Variants in CDH26 observed in about 807,000 individuals in gnomAD.
The protein encoded by CDH26 is cadherin-like protein 26.
Under a neutral mutation model 90.3 loss-of-function variants are expected in CDH26, and 83 were observed. The observed-to-expected ratio is 0.92, with a 90% CI of 0.77 to 1.10. The LOEUF (loss-of-function observed/expected upper bound fraction) is 1.10. Ranked by LOEUF, CDH26 falls within the 50% of genes least tolerant of loss-of-function variation. The pLI, the probability that CDH26 is intolerant of heterozygous loss-of-function variation, is 0.00. For synonymous variants in CDH26, 397 were observed against 396.3 expected, an observed-to-expected ratio of 1.00 and a Z score of -0.02; for missense variants, 1,013 against 1,037.6, an observed-to-expected ratio of 0.98 and a Z score of 0.33.
chr20:60,009,876 G>A (rs761290463), intron 17 of CDH26, among the ~76,000 whole-genome samples: 2 of 152,108 alleles, frequency 1.3e-5, no homozygotes, highest in Non-Finnish European at 2.9e-5. Flanking sequence ...CTGCAAGGAC[G>A]TGAACCGACT....
Position 59,996,758 on chromosome 20 carries a change from C to T in CDH26, c.2016C>T (p.Ala672=), listed in dbSNP as rs2061603304. Reference sequence around the variant, plus strand: ...ATGCGGAGAGCAAAGGCACTTCAGCCCAGGTAGTGGAATGTCATGCTTTGT... The same window carrying T: ...ATGCGGAGAGCAAAGGCACTTCAGCTCAGGTAGTGGAATGTCATGCTTTGT... The part of the protein sequence containing the change: ...MYNAESKGTS[A]QTWSDVEGQR... Residue 672 remains alanine, a synonymous_variant, in exon 13 of 18, where the codon GCC becomes GCT. Transcript: ENST00000348616. 1 of 1,614,158 alleles carries T rather than the reference C, an allele frequency of 6.2e-7. No homozygotes were observed. Among genetic ancestry groups the T allele is most frequent in the Admixed American group, 1.7e-5 (1 of 60,034 alleles).
At position 59,984,761 on chromosome 20, in the gene CDH26, C is replaced by G. The variant is rs761466507; in HGVS notation, c.664C>G (p.Arg222Gly). The change falls in exon 6 of 18, where the codon CGC becomes GGC. Residue 222 changes from arginine to glycine, a missense_variant. Arg to Gly is a moderately radical substitution (Grantham distance 125). Transcript: ENST00000348616. ...GAAAGAAAGTGGTTTCCGGGTTGATCGCCTTAGTGGAGAAATACGACTCTC... is the reference window on the plus strand; with the variant it reads ...GAAAGAAAGTGGTTTCCGGGTTGATGGCCTTAGTGGAGAAATACGACTCTC... ...LLKESGFRVDRLSGEIRLSGC... is the reference protein window; with the variant it reads ...LLKESGFRVDGLSGEIRLSGC... 3 of 1,613,584 alleles carry G rather than the reference C, an allele frequency of 1.9e-6. No individual in the cohort carries two copies. The highest frequency in any genetic ancestry group is 4.5e-5 in the East Asian group (2 of 44,880).
intron 8 of CDH26, among the ~76,000 whole-genome samples, chr20:60,032,764 C>T (rs987637000): frequency 3.4e-5 from 5 of 148,024 alleles, no homozygotes; most frequent in South Asian, 2.1e-4. Context: ...AACCAAACAC[C>T]GCATGTTCTC....
intron 4 of CDH26, among the ~76,000 whole-genome samples, chr20:59,980,357 C>A (rs563834303): frequency 2.0e-4 from 30 of 151,834 alleles, no homozygotes; most frequent in South Asian, 1.9e-3. Context: ...TGCAATGGCG[C>A]AATCTCAGTT....
At chr20:60,027,934 C>CAT (rs2062011475) in intron 7 of CDH26, among the ~76,000 whole-genome samples, 2 of 152,248 alleles carry the variant, frequency 1.3e-5, no homozygotes, top group Non-Finnish European at 2.9e-5. Context: ...AAAGAGGTCT[C>CAT]ATACCCTTCA....
At chr20:59,984,502 C>A (rs2061428922) in intron 5 of CDH26, 137 bp from the exon 6 acceptor site, 1 of 625,646 alleles carries the variant, frequency 1.6e-6, no homozygotes, top group Non-Finnish European at 2.7e-6. Context: ...TCTAGTATGT[C>A]CATAGTTTAT....
chr20:59,981,990 C>T (rs540926439), intron 4 of CDH26, among the ~76,000 whole-genome samples: 39 of 152,058 alleles, frequency 2.6e-4, no homozygotes, highest in African/African-American at 7.7e-4. Context: ...AGAAAGTTTT[C>T]GTAGTTTTTC....
intron 9 of CDH26, among the ~76,000 whole-genome samples, chr20:59,991,009 A>G (rs577713309): frequency 4.7e-4 from 72 of 152,200 alleles, no homozygotes; most frequent in African/African-American, 1.7e-3. Context: ...AGCTGGGACT[A>G]CAGGCACATG....
At chr20:59,975,987 G>A (rs1428378562) in intron 4 of CDH26, among the ~76,000 whole-genome samples, 1 of 152,142 alleles carries the variant, frequency 6.6e-6, no homozygotes, top group Non-Finnish European at 1.5e-5. Context: ...ATTTTTTTCT[G>A]TGTATGGACC....
At position 59,996,727 on chromosome 20, in the gene CDH26, T is replaced by C; in HGVS notation, c.1985T>C (p.Met662Thr). Residue 662 changes from methionine to threonine, a missense_variant, in exon 13 of 18, where the codon ATG becomes ACG. Met to Thr is a moderately conservative substitution (Grantham distance 81). Transcript: ENST00000348616. ...SNDEGHQTLV[M>T]YNAESKGTSA... Reference sequence around the variant, plus strand: ...GATGAAGGCCACCAAACACTGGTCATGTATAATGCGGAGAGCAAAGGCACT... The same window carrying C: ...GATGAAGGCCACCAAACACTGGTCACGTATAATGCGGAGAGCAAAGGCACT... 7 of 1,614,230 alleles carry C rather than the reference T, an allele frequency of 4.3e-6. 1 individual carries two copies. In the East Asian group the frequency reaches 6.7e-5, roughly 15 times the overall value.
At chr20:60,001,486 C>A in intron 15 of CDH26, 75 bp downstream of exon 15, 1 of 1,559,274 alleles carries the variant, frequency 6.4e-7, no homozygotes, top group Non-Finnish European at 8.7e-7. Flanking sequence ...GAGAGAGGGC[C>A]GTTGTAGAAG....
chr20:60,016,045 C>A (rs963526915), downstream of CDH26, among the ~76,000 whole-genome samples: 3 of 152,132 alleles, frequency 2.0e-5, no homozygotes, highest in Non-Finnish European at 2.9e-5. Flanking sequence ...ATTTTGAAGT[C>A]TGATAGTGTG....
intron 17 of CDH26, among the ~76,000 whole-genome samples, chr20:60,007,754 C>G (rs919499459): frequency 6.6e-6 from 1 of 151,976 alleles, no homozygotes; most frequent in Non-Finnish European, 1.5e-5. Context: ...TAACTTCATC[C>G]CATCTGGACC....
intron 8 of CDH26, 114 bp from the exon 9 acceptor site, chr20:59,988,783 GTAAATAA>G: frequency 9.9e-7 from 1 of 1,013,938 alleles, no homozygotes; most frequent in Non-Finnish European, 1.4e-6. Context: ...CAAAGACAAC[GTAAATAA>G]TAAATGAAGT....
intron 7 of CDH26, among the ~76,000 whole-genome samples, chr20:60,020,739 G>A (rs1248615121): frequency 6.6e-6 from 1 of 152,182 alleles, no homozygotes; most frequent in Non-Finnish European, 1.5e-5. Flanking sequence ...TGAGAGCTTG[G>A]CTCACAATGT....
intron 1 of CDH26, among the ~76,000 whole-genome samples, chr20:59,963,353 C>G (rs1024008892): frequency 1.3e-5 from 2 of 149,150 alleles, no homozygotes; most frequent in South Asian, 4.3e-4. Flanking sequence ...CAGACTCATG[C>G]GATCCTTCCA....
At chr20:60,017,843 A>T (rs1208727622), downstream of CDH26, among the ~76,000 whole-genome samples, 1 of 151,942 alleles carries the variant, frequency 6.6e-6, no homozygotes, top group Admixed American at 6.6e-5. Flanking sequence ...TTAAAATCTC[A>T]TTCTTAATTG....
intron 15 of CDH26, among the ~76,000 whole-genome samples, chr20:60,002,337 C>T (rs527637119): frequency 8.6e-5 from 13 of 151,620 alleles, no homozygotes; most frequent in South Asian, 2.1e-4. Context: ...TGGTCCTGTT[C>T]GGGCCAGCTG....
intron 7 of CDH26, among the ~76,000 whole-genome samples, chr20:60,024,823 A>C (rs565308275): frequency 6.6e-6 from 1 of 152,326 alleles, no homozygotes; most frequent in Non-Finnish European, 1.5e-5. Flanking sequence ...GCTTTCCCAA[A>C]TGTACAATGC....
Sources: allele counts gnomAD v4.1 joint callset (sites outside exome capture counted in the v4.1 genomes callset), GRCh38; gene constraint gnomAD v4.1.1; transcripts MANE v1.5; gene names NCBI Gene and HGNC (gene_info 2026-07-23, HGNC 2026-07-21).